CUX2: variants seen among roughly 807,000 people sequenced by gnomAD.
CUX2 encodes homeobox protein cut-like 2.
CUX2 carries 40 observed loss-of-function variants against 144.8 expected under a neutral mutation model. The ratio of observed to expected loss-of-function variants is 0.28; its 90% CI spans 0.21 to 0.36. CUX2 has a LOEUF of 0.36. Among genes scored for constraint, CUX2 ranks in the 10% least tolerant of loss-of-function variants. The probability of loss-of-function intolerance (pLI) is 1.00; values close to 1 mark genes in which losing one functional copy is unlikely to be tolerated. For synonymous variants in CUX2, 827 were observed against 875.6 expected, an observed-to-expected ratio of 0.94 and a Z score of 0.98; for missense variants, 1,615 against 1,994.0, an observed-to-expected ratio of 0.81 and a Z score of 3.62.
chr12:111,347,114 C>T (rs965086595), intron 21 of CUX2, among the ~76,000 whole-genome samples: 23 of 152,134 alleles, frequency 1.5e-4, no homozygotes, highest in African/African-American at 4.3e-4. Flanking sequence ...GCCTAAGAAC[C>T]GGTGTGTATT....
At position 111,289,035 on chromosome 12, in the gene CUX2, A is replaced by C. The variant is rs899870845; in HGVS notation, c.302-2383A>C. ...CTACTCGGGAGGCTGAGTCAGGAAC[A>C]TAGCTTGAACATGGGAGGCAGAGAT... On this transcript the variant is annotated intron_variant, in intron 4 of 21. Coordinates refer to ENST00000261726, the MANE Select transcript of CUX2 (RefSeq NM_015267.4). The surrounding 1 kb of genome is among the most constrained non-coding windows in gnomAD (Gnocchi z 4.1). 6.6e-6 allele frequency among the ~76,000 whole-genome samples: 1 copy of C among 152,046 alleles called. No individual in the cohort carries two copies. Among genetic ancestry groups the C allele is most frequent in the African/African-American group, 2.4e-5 (1 of 41,376 alleles).
chr12:111,328,677 G>C (rs374896134), intron 18 of CUX2, among the ~76,000 whole-genome samples: 12 of 151,076 alleles, frequency 7.9e-5, no homozygotes, highest in Non-Finnish European at 1.6e-4. Flanking sequence ...TCGGCTCACT[G>C]TAACCTCCGG....
At chr12:111,314,422 C>T (rs1887066272) in intron 16 of CUX2, among the ~76,000 whole-genome samples, 1 of 152,070 alleles carries the variant, frequency 6.6e-6, no homozygotes, top group African/African-American at 2.4e-5. Context: ...GGGCAGATCA[C>T]CTGAGGTCAG....
chr12:111,104,870 C>T (rs973025291), intron 1 of CUX2, among the ~76,000 whole-genome samples: 1 of 152,074 alleles, frequency 6.6e-6, no homozygotes, highest in African/African-American at 2.4e-5. Flanking sequence ...GGCTCGCAGC[C>T]AGCTGTGGCC....
intron 18 of CUX2, 76 bp from the exon 19 acceptor site, chr12:111,334,365 A>G (rs929142290): frequency 6.8e-7 from 1 of 1,480,228 alleles, no homozygotes; most frequent in African/African-American, 1.4e-5. Context: ...CTTGGCTGTA[A>G]GAAGCAAGCC....
intron 3 of CUX2, among the ~76,000 whole-genome samples, chr12:111,241,032 A>C (rs975856507): frequency 6.6e-6 from 1 of 152,082 alleles, no homozygotes; most frequent in Non-Finnish European, 1.5e-5. Context: ...AGGCTGGGTA[A>C]TGTATAAAGA....
At chr12:111,088,451 A>T (rs907280772) in intron 1 of CUX2, among the ~76,000 whole-genome samples, 3 of 149,310 alleles carry the variant, frequency 2.0e-5, no homozygotes, top group African/African-American at 4.9e-5. Flanking sequence ...AAGTTCAATT[A>T]AAAAAAAAAG....
intron 1 of CUX2, among the ~76,000 whole-genome samples, chr12:111,120,671 GA>G (rs112911297): frequency 0.079 from 9,856 of 124,146 alleles, 595 homozygotes; most frequent in African/African-American, 0.19. Flanking sequence ...TAACCACAAG[GA>G]AAAAAAAAAA....
At chr12:111,207,105 T>C (rs546912955) in intron 1 of CUX2, among the ~76,000 whole-genome samples, 1 of 152,338 alleles carries the variant, frequency 6.6e-6, no homozygotes, top group Admixed American at 6.5e-5. Flanking sequence ...GCTTCCAGCC[T>C]GGTTAGCACT....
In CUX2 at chr12:111,293,732, G is replaced by T. The variant is rs1022281065; in HGVS notation, c.560+163G>T. 1.3e-5 allele frequency among the ~76,000 whole-genome samples: 2 copies of T among 152,156 alleles called. No homozygotes were observed. Among genetic ancestry groups the T allele is most frequent in the African/African-American group, 4.8e-5 (2 of 41,438 alleles). ...GGGCTTTGGACTCCAACCGGGTCTG[G>T]GTTCAAGTTCCACTGCAGGAACTCA... On this transcript the variant is annotated intron_variant, in intron 6 of 21. Transcript: ENST00000261726. The surrounding 1 kb of genome is among the most constrained non-coding windows in gnomAD (Gnocchi z 4.5).
intron 1 of CUX2, among the ~76,000 whole-genome samples, chr12:111,081,298 A>G (rs1267303509): frequency 6.6e-6 from 1 of 151,960 alleles, no homozygotes; most frequent in African/African-American, 2.4e-5. Flanking sequence ...TTTTGTTTTT[A>G]TTGTCTTTTT....
At chr12:111,114,536 G>A in intron 1 of CUX2, among the ~76,000 whole-genome samples, 1 of 152,196 alleles carries the variant, frequency 6.6e-6, no homozygotes, top group East Asian at 1.9e-4. Flanking sequence ...TTCTCCCAGT[G>A]TGTGGCTTGT....
In CUX2 at chr12:111,074,489, G is replaced by A. The variant is rs181247563; in HGVS notation, c.63+40249G>A. 1.8e-3 allele frequency among the ~76,000 whole-genome samples: 281 copies of A among 152,156 alleles called. 3 individuals carry two copies. Among genetic ancestry groups the A allele is most frequent in the East Asian group, 7.3e-3 (38 of 5,186 alleles). ...TGATCAGCTGGGTCAGCTCTCTGCT[G>A]TGAGTGAAGATAGAGGCTTGTCTTT... On this transcript the variant is annotated intron_variant, in intron 1 of 21. Transcript: ENST00000261726.
chr12:111,108,674 C>T (rs77108641), intron 1 of CUX2, among the ~76,000 whole-genome samples: 4,462 of 151,594 alleles, frequency 0.029, 231 homozygotes, highest in African/African-American at 0.1. Context: ...CCCATCTCCC[C>T]TCTCTGTCTC....
At chr12:111,260,883 G>A (rs1330035196) in intron 3 of CUX2, among the ~76,000 whole-genome samples, 2 of 152,190 alleles carry the variant, frequency 1.3e-5, no homozygotes, top group East Asian at 1.9e-4. Flanking sequence ...TCAGGCAACC[G>A]TAAAATGGAA....
At chr12:111,153,205 C>G (rs79889861) in intron 1 of CUX2, among the ~76,000 whole-genome samples, 1 of 152,188 alleles carries the variant, frequency 6.6e-6, no homozygotes, top group Non-Finnish European at 1.5e-5. Flanking sequence ...CTGCTGAATG[C>G]GTGGCATTCT....
At chr12:111,209,515 A>G (rs1338385256) in intron 1 of CUX2, among the ~76,000 whole-genome samples, 1 of 152,248 alleles carries the variant, frequency 6.6e-6, no homozygotes, top group African/African-American at 2.4e-5. Flanking sequence ...CATATTTTAG[A>G]TGCTATATCA....
intron 1 of CUX2, among the ~76,000 whole-genome samples, chr12:111,212,111 C>T (rs528605946): frequency 2.2e-4 from 33 of 152,038 alleles, no homozygotes; most frequent in African/African-American, 7.2e-4. Flanking sequence ...CACCTGGCCG[C>T]GCCAGTCTAC....
chr12:111,052,026 T>C (rs769946691), intron 1 of CUX2, among the ~76,000 whole-genome samples: 8 of 152,164 alleles, frequency 5.3e-5, no homozygotes, highest in Non-Finnish European at 1.2e-4. Context: ...TAATTGTACA[T>C]GCGCCCTCTG....
Sources: gnomAD v4.1 joint callset for allele counts (sites outside exome capture counted in the v4.1 genomes callset) on GRCh38, gnomAD v4.1.1 for gene constraint, Gnocchi (gnomAD v3.1) non-coding constraint, MANE v1.5 for transcripts, NCBI Gene and HGNC (gene_info 2026-07-23, HGNC 2026-07-21) for gene names.